EML2: variants seen among roughly 807,000 people sequenced by gnomAD.
EML2 encodes echinoderm microtubule-associated protein-like 2.
EML2 carries 59 observed loss-of-function variants against 84.7 expected under a neutral mutation model. That is an observed-to-expected ratio of 0.70 (90% confidence interval 0.56 to 0.86). EML2 has a LOEUF of 0.86. Among genes scored for constraint, EML2 ranks in the 40% least tolerant of loss-of-function variants. The pLI, the probability that EML2 is intolerant of heterozygous loss-of-function variation, is 0.00. For missense variants in EML2, 818 were observed against 855.6 expected, an observed-to-expected ratio of 0.96 and a Z score of 0.55; for synonymous variants, 352 against 348.9, an observed-to-expected ratio of 1.01 and a Z score of -0.10.
intron 7 of EML2, among the ~76,000 whole-genome samples, chr19:45,629,101 G>A (rs1178189864): frequency 6.6e-6 from 1 of 151,952 alleles, no homozygotes; most frequent in African/African-American, 2.4e-5. Flanking sequence ...GCCCTACGAG[G>A]AAGATGCTAC....
chr19:45,642,669 T>C, upstream of EML2: 1 of 496,180 alleles, frequency 2.0e-6, no homozygotes, highest in Non-Finnish European at 2.9e-6. Flanking sequence ...TAAGATGCTA[T>C]GACTAAGACG....
At chr19:45,630,299 A>G (rs1477637751) in intron 6 of EML2, among the ~76,000 whole-genome samples, 1 of 152,106 alleles carries the variant, frequency 6.6e-6, no homozygotes. Flanking sequence ...CACACCTGTA[A>G]TCCCAGCACT....
intron 7 of EML2, among the ~76,000 whole-genome samples, chr19:45,629,623 CTT>C (rs779747771): frequency 1.2e-4 from 17 of 139,554 alleles, no homozygotes; most frequent in East Asian, 2.0e-4. Context: ...CGTGCCCGGC[CTT>C]TTTTTTTTTT....
intron 1 of EML2, 164 bp from the exon 2 acceptor site, chr19:45,639,037 T>C (rs1179374528): frequency 1.1e-6 from 1 of 892,450 alleles, no homozygotes; most frequent in East Asian, 2.4e-5. Flanking sequence ...TTTGCTCGGT[T>C]GATCTTGCAG....
At chr19:45,637,765 C>T (rs1456580485) in intron 3 of EML2, among the ~76,000 whole-genome samples, 4 of 149,904 alleles carry the variant, frequency 2.7e-5, no homozygotes, top group African/African-American at 9.9e-5. Context: ...CAGCCTCTGC[C>T]TCCTGGGTTC....
intron 7 of EML2, among the ~76,000 whole-genome samples, chr19:45,629,658 T>G (rs1346410952): frequency 6.7e-6 from 1 of 149,562 alleles, no homozygotes; most frequent in Non-Finnish European, 1.5e-5. Context: ...ATAGGTCTCC[T>G]TATGTTGCCC....
chr19:45,641,539 G>A, upstream of EML2: 1 of 1,165,116 alleles, frequency 8.6e-7, no homozygotes, highest in Non-Finnish European at 1.2e-6. Flanking sequence ...GAACTAGCTG[G>A]CCCCACTCTA....
At chr19:45,640,965 C>G (rs149945821), upstream of EML2, 1 of 153,108 alleles carries the variant, frequency 6.5e-6, no homozygotes, top group Non-Finnish European at 1.5e-5. Context: ...TGACTGCTAC[C>G]TCCCGCCAAC....
At chr19:45,630,171 G>A (rs1047906757) in intron 6 of EML2, 125 bp from the exon 7 acceptor site, 6 of 681,468 alleles carry the variant, frequency 8.8e-6, no homozygotes, top group Non-Finnish European at 1.6e-5. Context: ...CACAGTAGGT[G>A]GGAGGATCGC....
chr19:45,632,144 C>G (rs1335070135), intron 6 of EML2, among the ~76,000 whole-genome samples: 1 of 149,388 alleles, frequency 6.7e-6, no homozygotes, highest in Non-Finnish European at 1.5e-5. Context: ...CCGCCCGCCT[C>G]GGCCTCCTAA....
At chr19:45,636,854 G>T (rs1432407033) in intron 3 of EML2, among the ~76,000 whole-genome samples, 1 of 152,284 alleles carries the variant, frequency 6.6e-6, no homozygotes, top group Non-Finnish European at 1.5e-5. Flanking sequence ...GGCCGAGGCA[G>T]AAGAATGGCT....
chr19:45,642,606 T>G, upstream of EML2: 1 of 1,123,354 alleles, frequency 8.9e-7, no homozygotes, highest in South Asian at 2.3e-5. Flanking sequence ...GGGAAGTCCC[T>G]TCCCTCTTAT....
upstream of EML2, chr19:45,643,430 A>ACC: frequency 8.8e-6 from 8 of 912,378 alleles, no homozygotes; most frequent in South Asian, 5.9e-5. Flanking sequence ...TCGCCTCTGT[A>ACC]CCCCGCGCCC....
chr19:45,642,314 C>T (rs772102759), upstream of EML2: 2 of 1,535,774 alleles, frequency 1.3e-6, no homozygotes, highest in South Asian at 2.4e-5. Context: ...GACACGCGGT[C>T]GTCCACTTCC....
intron 8 of EML2, among the ~76,000 whole-genome samples, chr19:45,625,608 C>A (rs1356617194): frequency 1.3e-5 from 2 of 152,214 alleles, no homozygotes; most frequent in Non-Finnish European, 2.9e-5. Context: ...TCCCTCCTCA[C>A]CTCCAGTCTG....
At chr19:45,621,779 CTG>C in intron 9 of EML2, 142 bp from the exon 10 acceptor site, 1 of 992,000 alleles carries the variant, frequency 1.0e-6, no homozygotes, top group Non-Finnish European at 1.4e-6. Context: ...CGGAGTCTCT[CTG>C]TTGCCCAGGC....
chr19:45,638,473 G>T lies in EML2; in HGVS notation c.179+32C>A, dbSNP rs369461466. 4 of 1,613,348 alleles carry T rather than the reference G, an allele frequency of 2.5e-6. No homozygotes were observed. The African/African-American group carries it at 5.3e-5, about 22-fold the overall frequency. ...CTTTCTATTTCCTCCTGGGGGGATG[G>T]GAGCACCAAGGAGATTCCAGCAAAA... is the stretch of plus-strand genomic sequence containing the variant. On this transcript the variant is annotated intron_variant, in intron 3 of 18. Transcript: ENST00000245925.
upstream of EML2, chr19:45,641,579 T>A (rs1185751019): frequency 1.0e-5 from 15 of 1,491,096 alleles, no homozygotes; most frequent in Non-Finnish European, 1.3e-5. Context: ...GGGGCATGAC[T>A]ACATTTCTCG....
At chr19:45,645,146 T>G, upstream of EML2, 1 of 1,107,174 alleles carries the variant, frequency 9.0e-7, no homozygotes, top group Non-Finnish European at 1.3e-6. Flanking sequence ...AGGGTCCTGC[T>G]GAGGGAGAGA....
Sources: gnomAD v4.1 joint callset for allele counts (sites outside exome capture counted in the v4.1 genomes callset) on GRCh38, gnomAD v4.1.1 for gene constraint, MANE v1.5 for transcripts, NCBI Gene and HGNC (gene_info 2026-07-23, HGNC 2026-07-21) for gene names.